BCAP31: variants seen among roughly 807,000 people sequenced by gnomAD.
The protein encoded by BCAP31 is B cell receptor associated protein 31.
For missense variants in BCAP31, 124 were observed against 193.0 expected (o/e 0.64, Z 2.12); for synonymous variants, 75 against 80.9 (o/e 0.93, Z 0.39).
chrX:153,717,271 ATATT>A (rs2091635711), intron 3 of BCAP31, among the ~76,000 whole-genome samples: 1 of 112,428 alleles, frequency 8.9e-6, no homozygotes, highest in Non-Finnish European at 1.9e-5. Flanking sequence ...AGTTAAAAAT[ATATT>A]TATATTTGTC....
At chrX:153,704,607 T>C (rs1397311963) in intron 4 of BCAP31, among the ~76,000 whole-genome samples, 3 of 112,099 alleles carry the variant, frequency 2.7e-5, no homozygotes, top group Non-Finnish European at 5.6e-5. Flanking sequence ...CGTAAATCAA[T>C]GTACCCAAGG....
chrX:153,706,975 C>T (rs1266628488), intron 4 of BCAP31, among the ~76,000 whole-genome samples: 4 of 112,108 alleles, frequency 3.6e-5, no homozygotes, highest in African/African-American at 9.7e-5. Context: ...GCTGCCAGCA[C>T]GCATGCCCTC....
Position 153,701,066 on chromosome X carries a change from G to A in BCAP31, c.703-91C>T, listed in dbSNP as rs1359547156. 5.6e-5 allele frequency: 46 copies of A among 818,567 alleles called. No individual in the cohort carries two copies. In the South Asian group the frequency reaches 8.9e-4, roughly 16 times the overall value. The allele number at this position is 818,567 out of a possible 1,213,427, so 67.5% of individuals were successfully genotyped here. A position where few individuals can be genotyped will look rare whatever the true frequency, so the allele number is the denominator to read the frequency against. On this transcript the variant is annotated intron_variant, in intron 7 of 7. Coordinates refer to ENST00000345046, the MANE Select transcript of BCAP31 (RefSeq NM_001256447.2). ...GCCCCATGCCCCAGAGGTCCACCTC[G>A]GTTCCCCTCTCTCCTAACAACAGCT...
At position 153,724,341 on chromosome X, in the gene BCAP31, C is replaced by G. The variant is rs2091692699; in HGVS notation, c.-52G>C. 1 of 154,081 alleles carries G rather than the reference C, an allele frequency of 6.5e-6. No homozygotes were observed. The highest frequency in any genetic ancestry group is 3.2e-5 in the African/African-American group (1 of 31,169). 12.7% of individuals were successfully genotyped at this position (154,081 alleles called of 1,213,427 possible). A position where few individuals can be genotyped will look rare whatever the true frequency, so the allele number is the denominator to read the frequency against. The stretch of plus-strand genomic sequence containing the variant: ...CGCGCGGAGCCCGCTCACCGAGTTT[C>G]CCACAGTCAACGTGCAGGCCCCGCC... On this transcript the variant is annotated 5_prime_UTR_variant, in exon 1 of 8. Coordinates refer to ENST00000345046, the MANE Select transcript of BCAP31 (RefSeq NM_001256447.2).
At chrX:153,712,431 T>C (rs113094894) in intron 4 of BCAP31, among the ~76,000 whole-genome samples, 7,069 of 108,493 alleles carry the variant, frequency 0.065, 580 homozygotes, top group African/African-American at 0.23. Context: ...AATAAATAAA[T>C]AAATAAATAT....
Position 153,700,850 on chromosome X carries a change from A to G in BCAP31, c.*87T>C, listed in dbSNP as rs781973637. On this transcript the variant is annotated 3_prime_UTR_variant, in exon 8 of 8. Transcript: ENST00000345046. Reference sequence around the variant, plus strand: ...GGGGAAGCAGAAGGGCACAAACAGAAGTACTGGAGGGAGAGGCCGGGCTCT... The same window carrying G: ...GGGGAAGCAGAAGGGCACAAACAGAGGTACTGGAGGGAGAGGCCGGGCTCT... The G allele has an allele frequency of 3.2e-6, 3 of 938,456 alleles. No individual in the cohort carries two copies. In the East Asian group the frequency reaches 9.6e-5, roughly 30 times the overall value. The allele number at this position is 938,456 out of a possible 1,213,427, so 77.3% of individuals were successfully genotyped here.
intron 1 of BCAP31, chrX:153,723,756 C>T (rs2091686292): frequency 9.7e-7 from 1 of 1,036,152 alleles, no homozygotes; most frequent in African/African-American, 1.9e-5. Flanking sequence ...CCCAAGGCCG[C>T]ACCTAGTCCA....
chrX:153,714,700 G>A lies in BCAP31; in HGVS notation c.341+842C>T, dbSNP rs947867008. Among the ~76,000 whole-genome samples, 3 of 111,288 alleles carry A rather than the reference G, an allele frequency of 2.7e-5. No homozygotes were observed. The Admixed American group carries it at 2.9e-4, about 11-fold the overall frequency. ...GTGGGGAATAACTGTCCATGAGCCT[G>A]AGAATCACTTGGTGCTATGGTCTGA... On this transcript the variant is annotated intron_variant, in intron 4 of 7. Transcript: ENST00000345046.
chrX:153,721,005 G>A (rs1345500795), intron 2 of BCAP31, 33 bp from the exon 3 acceptor site: 7 of 1,160,089 alleles, frequency 6.0e-6, no homozygotes, highest in East Asian at 3.0e-5. Flanking sequence ...AGGAGTTGAA[G>A]AGAAAGCACA....
intron 3 of BCAP31, among the ~76,000 whole-genome samples, chrX:153,718,885 A>G (rs889230715): frequency 4.5e-5 from 5 of 111,397 alleles, no homozygotes; most frequent in African/African-American, 1.6e-4. Context: ...TCCATCCTCC[A>G]GGAGGATCTG....
chrX:153,703,881 C>T (rs1417238460), intron 5 of BCAP31, 78 bp downstream of exon 5: 1 of 1,153,357 alleles, frequency 8.7e-7, no homozygotes, highest in Non-Finnish European at 1.2e-6. Flanking sequence ...CTAGCAGTGG[C>T]CACTGAGGCC....
intron 4 of BCAP31, 180 bp downstream of exon 4, chrX:153,715,362 G>T: frequency 1.6e-6 from 1 of 634,004 alleles, no homozygotes; most frequent in Non-Finnish European, 2.4e-6. Flanking sequence ...TCTCCACGCT[G>T]CCTCTGGAGG....
chrX:153,724,204 C>T (rs970201409), intron 1 of BCAP31, 130 bp downstream of exon 1: 9 of 217,313 alleles, frequency 4.1e-5, no homozygotes, highest in Non-Finnish European at 7.6e-5. Flanking sequence ...CTCTCACACG[C>T]AGGTAGGCTG....
In BCAP31 at chrX:153,700,586, G is replaced by A. The variant is rs1311046378; in HGVS notation, c.*351C>T. 9.9e-6 allele frequency: 2 copies of A among 201,569 alleles called. No individual in the cohort carries two copies. Among genetic ancestry groups the A allele is most frequent in the Non-Finnish European group, 1.8e-5 (2 of 112,606 alleles). 16.6% of individuals were successfully genotyped at this position (201,569 alleles called of 1,213,427 possible). A position where few individuals can be genotyped will look rare whatever the true frequency, so the allele number is the denominator to read the frequency against. ...CCTGCGGGACCAAAGAAAACACCCAGAGGGCAAAACAAAAAGGGGCTCAAA... is the reference window on the plus strand; with the variant it reads ...CCTGCGGGACCAAAGAAAACACCCAAAGGGCAAAACAAAAAGGGGCTCAAA... On this transcript the variant is annotated 3_prime_UTR_variant, in exon 8 of 8. Transcript: ENST00000345046.
chrX:153,715,347 C>T (rs1422821362), intron 4 of BCAP31, 195 bp downstream of exon 4: 1 of 542,498 alleles, frequency 1.8e-6, no homozygotes, highest in Non-Finnish European at 2.9e-6. Flanking sequence ...GCAGCCCTCT[C>T]CTACTCTCCA....
At position 153,700,792 on chromosome X, in the gene BCAP31, G is replaced by A. The variant is rs782818387; in HGVS notation, c.*145C>T. The A allele has an allele frequency of 2.6e-5, 14 of 543,728 alleles. No homozygotes were observed. The highest frequency in any genetic ancestry group is 4.8e-5 in the African/African-American group (2 of 42,090). 44.8% of individuals were successfully genotyped at this position (543,728 alleles called of 1,213,427 possible). A position where few individuals can be genotyped will look rare whatever the true frequency, so the allele number is the denominator to read the frequency against. On this transcript the variant is annotated 3_prime_UTR_variant, in exon 8 of 8. Coordinates refer to ENST00000345046, the MANE Select transcript of BCAP31 (RefSeq NM_001256447.2). ...TGCTTGGAGAGTGTGGACAAGGGCC[G>A]AGATGACGAGCTATGAGCTGTGGAA...
At chrX:153,717,714 C>T (rs1421021245) in intron 3 of BCAP31, among the ~76,000 whole-genome samples, 1 of 112,597 alleles carries the variant, frequency 8.9e-6, no homozygotes, top group Non-Finnish European at 1.9e-5. Context: ...GGGCACTGGC[C>T]TCATGGGGTT....
chrX:153,710,089 G>A (rs1191892417), intron 4 of BCAP31, among the ~76,000 whole-genome samples: 4 of 112,407 alleles, frequency 3.6e-5, no homozygotes, highest in Non-Finnish European at 7.5e-5. Context: ...AATGCTCAGA[G>A]AATCGAGTTG....
At chrX:153,711,917 AAAAG>A (rs1400984078) in intron 4 of BCAP31, among the ~76,000 whole-genome samples, 2 of 109,422 alleles carry the variant, frequency 1.8e-5, no homozygotes, top group South Asian at 3.9e-4. Flanking sequence ...AAAAAAAAAA[AAAAG>A]AAAGAAAGAA....
Sources: allele counts gnomAD v4.1 joint callset (sites outside exome capture counted in the v4.1 genomes callset), GRCh38; gene constraint gnomAD v4.1.1; transcripts MANE v1.5; gene names NCBI Gene and HGNC (gene_info 2026-07-23, HGNC 2026-07-21).